Variants in LINGO2 observed in about 807,000 individuals in gnomAD.
The protein encoded by LINGO2 is leucine rich repeat and Ig domain containing 2, also known as leucine-rich repeat and immunoglobulin-like domain-containing nogo receptor-interacting protein 2.
A neutral mutation model predicts 30.6 loss-of-function variants in LINGO2; 14 were observed. The observed-to-expected ratio is 0.46, with a 90% CI of 0.30 to 0.72. LINGO2 has a LOEUF of 0.72. LINGO2 is among the 30% of genes least tolerant of loss of function. The pLI, the probability that LINGO2 is intolerant of heterozygous loss-of-function variation, is 0.07. For missense variants in LINGO2, 729 were observed against 751.7 expected (o/e 0.97, Z 0.35); for synonymous variants, 317 against 288.5 (o/e 1.10, Z -1.00).
chr9:28,571,837 C>G (rs897116420), intron 1 of LINGO2, among the ~76,000 whole-genome samples: 8 of 152,004 alleles, frequency 5.3e-5, no homozygotes, highest in Non-Finnish European at 8.8e-5. Context: ...CATCATGGAC[C>G]AGAAAATTAG....
intron 4 of LINGO2, among the ~76,000 whole-genome samples, chr9:28,215,981 C>T (rs551403835): frequency 2.0e-5 from 3 of 151,802 alleles, no homozygotes; most frequent in African/African-American, 4.8e-5. Flanking sequence ...TTTTAAATTG[C>T]CCATAAAAAA....
intron 4 of LINGO2, among the ~76,000 whole-genome samples, chr9:28,273,543 G>T (rs1364325870): frequency 6.6e-6 from 1 of 152,218 alleles, no homozygotes; most frequent in African/African-American, 2.4e-5. Context: ...TGGAGGACTG[G>T]TGAAAGAAAA....
chr9:28,401,668 G>T (rs1234875655), intron 2 of LINGO2, among the ~76,000 whole-genome samples: 1 of 152,122 alleles, frequency 6.6e-6, no homozygotes, highest in East Asian at 1.9e-4. Flanking sequence ...GGATTGCTGG[G>T]TCAAATGGTA....
intron 1 of LINGO2, among the ~76,000 whole-genome samples, chr9:28,515,983 G>A (rs575753278): frequency 2.0e-5 from 3 of 152,218 alleles, no homozygotes; most frequent in South Asian, 2.1e-4. Context: ...ATCAGTCAGC[G>A]GCCATCAACA....
the LINGO2 span, among the ~76,000 whole-genome samples, chr9:28,898,290 A>G: frequency 3.9e-5 from 6 of 152,130 alleles, no homozygotes; most frequent in Non-Finnish European, 8.8e-5. Flanking sequence ...AGCAGTTATC[A>G]TCCAAAATAA....
At chr9:28,623,320 T>C (rs1315180750) in intron 1 of LINGO2, among the ~76,000 whole-genome samples, 1 of 152,158 alleles carries the variant, frequency 6.6e-6, no homozygotes, top group African/African-American at 2.4e-5. Flanking sequence ...CTTTCATGAT[T>C]TGAGAACTAA....
chr9:28,403,615 G>A (rs1474150820), intron 2 of LINGO2, among the ~76,000 whole-genome samples: 2 of 149,414 alleles, frequency 1.3e-5, no homozygotes, highest in Admixed American at 1.3e-4. Flanking sequence ...TGACTAAAAT[G>A]CTATTGTTTT....
the LINGO2 span, among the ~76,000 whole-genome samples, chr9:29,095,309 C>T: frequency 7.2e-5 from 10 of 138,354 alleles, 2 homozygotes; most frequent in Non-Finnish European, 1.4e-4. Context: ...TTAACTATGG[C>T]AATAGCTAAC....
chr9:29,090,439 C>T, the LINGO2 span, among the ~76,000 whole-genome samples: 2 of 152,012 alleles, frequency 1.3e-5, no homozygotes, highest in African/African-American at 4.8e-5. Flanking sequence ...ATATCCATGT[C>T]TGTCCCTGTC....
At chr9:27,979,114 C>T (rs929746207) in intron 5 of LINGO2, among the ~76,000 whole-genome samples, 3 of 151,940 alleles carry the variant, frequency 2.0e-5, no homozygotes, top group Non-Finnish European at 4.4e-5. Flanking sequence ...AGAAAGTATG[C>T]TTTACATTGT....
chr9:28,691,485 C>T, the LINGO2 span, among the ~76,000 whole-genome samples: 1 of 151,988 alleles, frequency 6.6e-6, no homozygotes, highest in African/African-American at 2.4e-5. Flanking sequence ...CTCCTTGTAG[C>T]CTCTTATCTT....
chr9:28,132,518 T>C (rs183664202), intron 4 of LINGO2, among the ~76,000 whole-genome samples: 34 of 152,324 alleles, frequency 2.2e-4, no homozygotes, highest in African/African-American at 7.7e-4. Flanking sequence ...TTCAGTTAGA[T>C]AGCTTTTAGC....
intron 1 of LINGO2, among the ~76,000 whole-genome samples, chr9:28,588,242 A>G (rs1238187470): frequency 1.3e-5 from 2 of 152,006 alleles, no homozygotes; most frequent in Non-Finnish European, 2.9e-5. Context: ...AAGAGTTAAT[A>G]TGGTCCAAAG....
chr9:28,312,751 A>C (rs1433459619), intron 3 of LINGO2, among the ~76,000 whole-genome samples: 13 of 152,308 alleles, frequency 8.5e-5, no homozygotes, highest in African/African-American at 2.9e-4. Context: ...AAATAAAATC[A>C]GTAGTGGCTT....
chr9:28,459,705 A>C (rs8181038), intron 2 of LINGO2, among the ~76,000 whole-genome samples: 2 of 152,234 alleles, frequency 1.3e-5, no homozygotes, highest in East Asian at 3.9e-4. Flanking sequence ...CCAAGTAAAT[A>C]TATTATTTAT....
the LINGO2 span, among the ~76,000 whole-genome samples, chr9:29,060,685 A>T: frequency 6.6e-6 from 1 of 152,024 alleles, no homozygotes; most frequent in Admixed American, 6.6e-5. Flanking sequence ...TACAGTTTTT[A>T]GAAGAGAAAT....
intron 1 of LINGO2, among the ~76,000 whole-genome samples, chr9:28,534,719 A>C (rs113807028): frequency 1.4e-4 from 21 of 152,304 alleles, no homozygotes; most frequent in African/African-American, 4.8e-4. Flanking sequence ...CTACTGAATT[A>C]AATATAGAAA....
At chr9:28,601,126 A>G (rs1019517868) in intron 1 of LINGO2, among the ~76,000 whole-genome samples, 12 of 152,090 alleles carry the variant, frequency 7.9e-5, no homozygotes, top group African/African-American at 2.4e-4. Context: ...TTATTTACAC[A>G]GGCCTAGCAG....
chr9:28,124,534 T>C (rs56283960), intron 4 of LINGO2, among the ~76,000 whole-genome samples: 63,927 of 152,060 alleles, frequency 0.42, 15,020 homozygotes, highest in East Asian at 0.65. Context: ...AGACAAACTA[T>C]GTTTATCTTG....
Sources: gnomAD v4.1 joint callset for allele counts (sites outside exome capture counted in the v4.1 genomes callset) on GRCh38, gnomAD v4.1.1 for gene constraint, MANE v1.5 for transcripts, NCBI Gene and HGNC (gene_info 2026-07-23, HGNC 2026-07-21) for gene names.